Variants in ADAM32 observed in about 807,000 individuals in gnomAD.
ADAM32 encodes disintegrin and metalloproteinase domain-containing protein 32.
A neutral mutation model predicts 114.9 loss-of-function variants in ADAM32; 89 were observed. That is an observed-to-expected ratio of 0.77 (90% CI 0.65 to 0.92). ADAM32 has a LOEUF of 0.92. ADAM32 is among the 40% of genes least tolerant of loss of function. The pLI is 0.00. For synonymous variants in ADAM32, 285 were observed against 307.5 expected (o/e 0.93, Z 0.77); for missense variants, 870 against 932.8 (o/e 0.93, Z 0.88).
chr8:39,155,026 C>A (rs1408944993), intron 6 of ADAM32, among the ~76,000 whole-genome samples: 2 of 152,096 alleles, frequency 1.3e-5, no homozygotes, highest in African/African-American at 4.8e-5. Context: ...AAATTCAACA[C>A]TCCTTCATGC....
chr8:39,178,380 C>G (rs905252474), intron 10 of ADAM32, among the ~76,000 whole-genome samples: 1 of 152,100 alleles, frequency 6.6e-6, no homozygotes, highest in African/African-American at 2.4e-5. Flanking sequence ...AGTTATGATC[C>G]TTTATAAACT....
chr8:39,140,288 G>T (rs10081433), intron 3 of ADAM32, among the ~76,000 whole-genome samples: 65,099 of 151,390 alleles, frequency 0.43, 14,150 homozygotes, highest in East Asian at 0.59. Context: ...TTTGGCTGTG[G>T]GTTTGTCATA....
At chr8:39,220,451 C>G (rs1165337022) in intron 12 of ADAM32, among the ~76,000 whole-genome samples, 2 of 151,906 alleles carry the variant, frequency 1.3e-5, no homozygotes, top group Non-Finnish European at 2.9e-5. Context: ...TTTTGTTCCA[C>G]TAATTTTAGG....
intron 2 of ADAM32, among the ~76,000 whole-genome samples, chr8:39,126,138 T>C (rs1270099288): frequency 2.0e-5 from 3 of 152,154 alleles, no homozygotes; most frequent in Admixed American, 2.0e-4. Context: ...GGGTCTTGGC[T>C]ATTTGGGCTC....
chr8:39,175,524 A>G (rs1805471011), intron 10 of ADAM32, among the ~76,000 whole-genome samples: 1 of 152,210 alleles, frequency 6.6e-6, no homozygotes, highest in South Asian at 2.1e-4. Context: ...CTGGGGACGA[A>G]GCCAACTTGA....
Position 39,165,152 on chromosome 8 carries a change from A to G in ADAM32, c.789A>G (p.Gln263=), listed in dbSNP as rs1257794505. The G allele has an allele frequency of 6.3e-7, 1 of 1,598,022 alleles. No individual in the cohort carries two copies. Residue 263 remains glutamine, a synonymous_variant, in exon 9 of 25, where the codon CAA becomes CAG. Coordinates refer to ENST00000379907, the MANE Select transcript of ADAM32 (RefSeq NM_145004.7). Reference sequence around the variant, plus strand: ...TGCAAAAATTTTTAGAATGGAAACAATCTTATCTTAACCTAAGGCCTCATG... The same window carrying G: ...TGCAAAAATTTTTAGAATGGAAACAGTCTTATCTTAACCTAAGGCCTCATG... ...ELLQKFLEWK[Q]SYLNLRPHDI...
At chr8:39,249,022 C>CAGGA (rs1438256014) in intron 17 of ADAM32, among the ~76,000 whole-genome samples, 1 of 151,778 alleles carries the variant, frequency 6.6e-6, no homozygotes, top group Non-Finnish European at 1.5e-5. Flanking sequence ...CCTGCTTCAG[C>CAGGA]CTCCCGAGTA....
At chr8:39,145,644 C>T (rs1803461086) in intron 3 of ADAM32, among the ~76,000 whole-genome samples, 2 of 152,084 alleles carry the variant, frequency 1.3e-5, no homozygotes, top group Non-Finnish European at 2.9e-5. Flanking sequence ...GAGATGGTTT[C>T]AAGAAGGGGA....
intron 2 of ADAM32, among the ~76,000 whole-genome samples, chr8:39,120,795 G>T (rs1840558781): frequency 6.6e-6 from 1 of 151,626 alleles, no homozygotes; most frequent in Non-Finnish European, 1.5e-5. Flanking sequence ...TTCTAGTGAG[G>T]TCACAGATAG....
Position 39,211,265 on chromosome 8 carries a change from C to G in ADAM32, c.1174C>G (p.Pro392Ala), listed in dbSNP as rs997357718. ...ACAAATGCAAAAAAAATCTCCGAAA[C>G]CAGTCTGTGGCAATGGCAGATTGGA... The part of the protein sequence containing the change: ...KPQMQKKSPK[P>A]VCGNGRLEGN... Residue 392 changes from proline (P) to alanine (A), a missense_variant, in exon 12 of 25, where the codon CCA becomes GCA. Pro to Ala is a conservative substitution (Grantham distance 27). Transcript: ENST00000379907. 1 of 1,599,542 alleles carries G rather than the reference C, an allele frequency of 6.3e-7. No homozygotes were observed. The highest frequency in any genetic ancestry group is 1.3e-5 in the African/African-American group (1 of 74,336).
At chr8:39,218,839 G>A (rs1808759492) in intron 12 of ADAM32, among the ~76,000 whole-genome samples, 1 of 151,984 alleles carries the variant, frequency 6.6e-6, no homozygotes, top group Admixed American at 6.6e-5. Flanking sequence ...GAACCCAAGA[G>A]CCCTCTTGGT....
intron 2 of ADAM32, among the ~76,000 whole-genome samples, chr8:39,132,970 G>A (rs765940214): frequency 9.9e-5 from 15 of 151,962 alleles, no homozygotes; most frequent in Non-Finnish European, 1.9e-4. Flanking sequence ...TCTTCTTGAG[G>A]TTGGCTGGAA....
At position 39,284,804 on chromosome 8, in the gene ADAM32, TC is replaced by T. The variant is rs746312423; in HGVS notation, c.*7del. On this transcript the variant is annotated 3_prime_UTR_variant, in exon 25 of 25. Transcript: ENST00000379907. ...GTTCTCTTCCACAGTAACTAGTGAT[TC>T]CTTCAGAAGGCAACGGATAACATCG... The T allele has an allele frequency of 6.2e-7, 1 of 1,613,852 alleles. No individual in the cohort carries two copies. The highest frequency in any genetic ancestry group is 1.1e-5 in the South Asian group (1 of 91,050).
At chr8:39,210,605 C>T (rs1431414902) in intron 11 of ADAM32, among the ~76,000 whole-genome samples, 1 of 152,174 alleles carries the variant, frequency 6.6e-6, no homozygotes, top group Admixed American at 6.5e-5. Context: ...CTCAATAAAT[C>T]TCAGTTTCTT....
At chr8:39,118,611 A>G (rs1386278049) in intron 2 of ADAM32, among the ~76,000 whole-genome samples, 1 of 152,158 alleles carries the variant, frequency 6.6e-6, no homozygotes, top group Non-Finnish European at 1.5e-5. Flanking sequence ...TCATTGATTT[A>G]TTTAGCAACT....
At chr8:39,122,958 G>A (rs1337829317) in intron 2 of ADAM32, among the ~76,000 whole-genome samples, 3 of 152,156 alleles carry the variant, frequency 2.0e-5, no homozygotes, top group Admixed American at 2.0e-4. Context: ...CCTAACCCAA[G>A]CTCACAAAGA....
intron 16 of ADAM32, 61 bp from the exon 17 acceptor site, chr8:39,246,022 A>T: frequency 2.4e-6 from 3 of 1,260,458 alleles, no homozygotes; most frequent in Non-Finnish European, 3.5e-6. Context: ...TATTTACTGT[A>T]ATGTTATGAT....
At position 39,234,061 on chromosome 8, in the gene ADAM32, C is replaced by T; in HGVS notation, c.1797C>T (p.Gly599=). The change falls in exon 16 of 25, where the codon GGC becomes GGT. Residue 599 remains glycine, a synonymous_variant. Coordinates refer to ENST00000379907, the MANE Select transcript of ADAM32 (RefSeq NM_145004.7). ...CAGATCCACTGGCTGTCAAAAATGGCTCTCAGTGTGATATTGGGAGGGTAA... is the reference window on the plus strand; with the variant it reads ...CAGATCCACTGGCTGTCAAAAATGGTTCTCAGTGTGATATTGGGAGGGTAA... ...TVPDPLAVKN[G]SQCDIGRVCV... 1 of 1,479,406 alleles carries T rather than the reference C, an allele frequency of 6.8e-7. No homozygotes were observed. Among genetic ancestry groups the T allele is most frequent in the Admixed American group, 2.2e-5 (1 of 44,684 alleles). The allele number at this position is 1,479,406 out of a possible 1,614,324, so 91.6% of individuals were successfully genotyped here.
At chr8:39,251,941 C>T (rs139294956) in intron 17 of ADAM32, among the ~76,000 whole-genome samples, 10 of 151,888 alleles carry the variant, frequency 6.6e-5, no homozygotes, top group South Asian at 6.2e-4. Flanking sequence ...ATATGGTTAT[C>T]GAATTTTTCC....
Sources: gnomAD v4.1 joint callset for allele counts (sites outside exome capture counted in the v4.1 genomes callset) on GRCh38, gnomAD v4.1.1 for gene constraint, MANE v1.5 for transcripts, NCBI Gene and HGNC (gene_info 2026-07-23, HGNC 2026-07-21) for gene names.